The following RAP1GAP2 variants were observed in gnomAD, a reference collection of about 807,000 sequenced individuals.
RAP1GAP2 encodes the protein rap1 GTPase-activating protein 2.
RAP1GAP2 carries 27 observed loss-of-function variants against 95.0 expected under a neutral mutation model. The observed-to-expected ratio is 0.28, with a 90% confidence interval of 0.21 to 0.39. RAP1GAP2 has a LOEUF of 0.39. Ranked by LOEUF, RAP1GAP2 falls within the 10% of genes least tolerant of loss-of-function variation. The pLI, the probability that RAP1GAP2 is intolerant of heterozygous loss-of-function variation, is 1.00. For missense variants in RAP1GAP2, 771 were observed against 970.0 expected (o/e 0.79, Z 2.72); for synonymous variants, 373 against 380.9 (o/e 0.98, Z 0.24).
At chr17:2,786,715 G>A (rs1433649117) in intron 1 of RAP1GAP2, among the ~76,000 whole-genome samples, 1 of 151,578 alleles carries the variant, frequency 6.6e-6, no homozygotes, top group Non-Finnish European at 1.5e-5. Context: ...CGTGGTCTCG[G>A]GCTCACTGCA....
In RAP1GAP2 at chr17:2,960,963, C is replaced by A. The variant is rs1246627132; in HGVS notation, c.202-1707C>A. Among the ~76,000 whole-genome samples, 4 of 152,228 alleles carry A rather than the reference C, an allele frequency of 2.6e-5. No individual in the cohort carries two copies. The East Asian group carries it at 7.7e-4, about 29-fold the overall frequency. On this transcript the variant is annotated intron_variant, in intron 4 of 24. Coordinates refer to ENST00000254695, the MANE Select transcript of RAP1GAP2 (RefSeq NM_015085.5). ...AGGCGCAGTGGCTCACGCCTGTAATCCCAGCACTTTGGGAGGCTGAGGCGG... is the reference window on the plus strand; with the variant it reads ...AGGCGCAGTGGCTCACGCCTGTAATACCAGCACTTTGGGAGGCTGAGGCGG...
intron 13 of RAP1GAP2, among the ~76,000 whole-genome samples, chr17:2,998,020 C>T (rs1016254038): frequency 2.6e-5 from 4 of 152,214 alleles, no homozygotes; most frequent in Admixed American, 6.5e-5. Context: ...AAGCACGAAG[C>T]GTGTTCCATG....
Position 2,957,898 on chromosome 17 carries a change from G to A in RAP1GAP2, c.201+104G>A, listed in dbSNP as rs544940845. 7 of 1,234,456 alleles carry A rather than the reference G, an allele frequency of 5.7e-6. No individual in the cohort carries two copies. In the East Asian group the frequency reaches 1.9e-4, roughly 34 times the overall value. 76.5% of individuals were successfully genotyped at this position (1,234,456 alleles called of 1,614,324 possible). A position where few individuals can be genotyped will look rare whatever the true frequency, so the allele number is the denominator to read the frequency against. On this transcript the variant is annotated intron_variant, in intron 4 of 24. Transcript: ENST00000254695. ...GGGCAGAAGCCGGGTGCCCTGGACG[G>A]GGGTGCAGAGAAGAGACAATTGCAT...
rs2047165130 is a variant in RAP1GAP2, at chr17:3,027,568, G to T, written c.2107+498G>T. Among the ~76,000 whole-genome samples, 1 of 152,124 alleles carries T rather than the reference G, an allele frequency of 6.6e-6. No individual in the cohort carries two copies. The highest frequency in any genetic ancestry group is 2.4e-5 in the African/African-American group (1 of 41,434). On this transcript the variant is annotated intron_variant, in intron 22 of 24. Transcript: ENST00000254695. This position sits in a 1 kb window ranked among gnomAD's most constrained non-coding sequence, Gnocchi z 5.2. Reference sequence around the variant, plus strand: ...AACTGCACGTGTTCATGGCAGCTGGGTTCACAGAGCCAGGCGTCAGAGAGG... The same window carrying T: ...AACTGCACGTGTTCATGGCAGCTGGTTTCACAGAGCCAGGCGTCAGAGAGG...
Position 2,867,522 on chromosome 17 carries a change from A to G in RAP1GAP2, c.81-37762A>G, listed in dbSNP as rs1027917618. Among the ~76,000 whole-genome samples the G allele has an allele frequency of 6.6e-6, 1 of 152,116 alleles. No individual in the cohort carries two copies. The highest frequency in any genetic ancestry group is 1.5e-5 in the Non-Finnish European group (1 of 68,026). ...ACAGGAAGAGCAAATCTGTTTCCCAATCATTTCAGCAGATGTCCCAGGGAT... is the reference window on the plus strand; with the variant it reads ...ACAGGAAGAGCAAATCTGTTTCCCAGTCATTTCAGCAGATGTCCCAGGGAT... On this transcript the variant is annotated intron_variant, in intron 2 of 24. Coordinates refer to ENST00000254695, the MANE Select transcript of RAP1GAP2 (RefSeq NM_015085.5). This position sits in a 1 kb window ranked among gnomAD's most constrained non-coding sequence, Gnocchi z 4.5.
Position 2,905,383 on chromosome 17 carries a change from T to C in RAP1GAP2, c.165+15T>C. On this transcript the variant is annotated intron_variant, in intron 3 of 24. Coordinates refer to ENST00000254695, the MANE Select transcript of RAP1GAP2 (RefSeq NM_015085.5). Reference sequence around the variant, plus strand: ...CCACCATGAAGGTAAGAGGCTTCGATTCAGGAAGGCAGGGAGGGGAGAGTG... The same window carrying C: ...CCACCATGAAGGTAAGAGGCTTCGACTCAGGAAGGCAGGGAGGGGAGAGTG... The C allele has an allele frequency of 1.2e-6, 2 of 1,611,674 alleles. No individual in the cohort carries two copies. The highest frequency in any genetic ancestry group is 1.7e-6 in the Non-Finnish European group (2 of 1,178,182).
At chr17:2,799,427 C>G (rs1037908731) in intron 1 of RAP1GAP2, among the ~76,000 whole-genome samples, 1 of 152,204 alleles carries the variant, frequency 6.6e-6, no homozygotes, top group Non-Finnish European at 1.5e-5. Context: ...TCCCCTAGCT[C>G]CAGGCCTCAG....
chr17:3,015,329 G>A (rs895363477), intron 17 of RAP1GAP2, among the ~76,000 whole-genome samples: 2 of 152,114 alleles, frequency 1.3e-5, no homozygotes, highest in East Asian at 1.9e-4. Flanking sequence ...CTAGGGGGCT[G>A]TCCGGTTTAC....
intron 3 of RAP1GAP2, among the ~76,000 whole-genome samples, chr17:2,922,194 G>A (rs1316829959): frequency 1.3e-5 from 2 of 152,198 alleles, no homozygotes; most frequent in African/African-American, 4.8e-5. Context: ...CCTTCTTGCA[G>A]TGTCCTCACA....
rs555655608 is a variant in RAP1GAP2, at chr17:2,965,738, G to C, written c.596+95G>C. ...GGATGGGACTCAGAAATACCAGACTGACCAGTCTGGTCTGGGTGCACTGGC... is the reference window on the plus strand; with the variant it reads ...GGATGGGACTCAGAAATACCAGACTCACCAGTCTGGTCTGGGTGCACTGGC... On this transcript the variant is annotated intron_variant, in intron 8 of 24. Transcript: ENST00000254695. This position sits in a 1 kb window ranked among gnomAD's most constrained non-coding sequence, Gnocchi z 4.7. 1.1e-6 allele frequency: 1 copy of C among 932,202 alleles called. No individual in the cohort carries two copies. Among genetic ancestry groups the C allele is most frequent in the Non-Finnish European group, 1.7e-6 (1 of 597,328 alleles). 57.7% of individuals were successfully genotyped at this position (932,202 alleles called of 1,614,324 possible).
At chr17:2,760,419 C>G (rs2071222523) in intron 1 of RAP1GAP2, among the ~76,000 whole-genome samples, 1 of 151,172 alleles carries the variant, frequency 6.6e-6, no homozygotes, top group South Asian at 2.1e-4. Flanking sequence ...CAGCTCACTG[C>G]AGCCTCTGCC....
Position 3,005,492 on chromosome 17 carries a change from T to A in RAP1GAP2, c.1272+52T>A, listed in dbSNP as rs1160320613. On this transcript the variant is annotated intron_variant, in intron 15 of 24. Transcript: ENST00000254695. The surrounding 1 kb of genome is among the most constrained non-coding windows in gnomAD (Gnocchi z 5.2). ...TCGCATCCACGATGCCAGGTCTCAGTGCTTGAGTAGCAATGGTTGGGATGG... is the reference window on the plus strand; with the variant it reads ...TCGCATCCACGATGCCAGGTCTCAGAGCTTGAGTAGCAATGGTTGGGATGG... The A allele has an allele frequency of 4.5e-6, 7 of 1,554,106 alleles. No homozygotes were observed. The highest frequency in any genetic ancestry group is 6.2e-6 in the Non-Finnish European group (7 of 1,125,478).
chr17:2,880,522 A>G (rs895997089), intron 2 of RAP1GAP2, among the ~76,000 whole-genome samples: 12 of 150,942 alleles, frequency 8.0e-5, no homozygotes, highest in Middle Eastern at 6.8e-3. Context: ...ATTTTAAAGT[A>G]TACGGTTCCG....
Position 3,005,858 on chromosome 17 carries a change from C to G in RAP1GAP2, c.1273-97C>G. On this transcript the variant is annotated intron_variant, in intron 15 of 24. Transcript: ENST00000254695. This position sits in a 1 kb window ranked among gnomAD's most constrained non-coding sequence, Gnocchi z 5.2. ...TCGGAAGGGACTTTTCAGGGGTTCT[C>G]CCCATGGCCCCGGCTCTGCCTGCCT... 3.4e-6 allele frequency: 4 copies of G among 1,176,338 alleles called. No homozygotes were observed. The Admixed American group carries it at 6.8e-5, about 20-fold the overall frequency. The allele number at this position is 1,176,338 out of a possible 1,614,324, so 72.9% of individuals were successfully genotyped here. A position where few individuals can be genotyped will look rare whatever the true frequency, so the allele number is the denominator to read the frequency against.
intron 17 of RAP1GAP2, among the ~76,000 whole-genome samples, chr17:3,016,379 G>C (rs954499655): frequency 1.3e-5 from 2 of 152,256 alleles, no homozygotes; most frequent in African/African-American, 4.8e-5. Flanking sequence ...GACACGTTTG[G>C]CTAGAACCTG....
chr17:2,861,659 G>T (rs1236214579), intron 2 of RAP1GAP2, among the ~76,000 whole-genome samples: 2 of 150,648 alleles, frequency 1.3e-5, no homozygotes, highest in Non-Finnish European at 3.0e-5. Flanking sequence ...TTGGGGGGGG[G>T]GACGGAGTCT....
In RAP1GAP2 at chr17:2,827,419, C is replaced by T. The variant is rs893488420; in HGVS notation, c.80+26869C>T. On this transcript the variant is annotated intron_variant, in intron 2 of 24. Transcript: ENST00000254695. This position sits in a 1 kb window ranked among gnomAD's most constrained non-coding sequence, Gnocchi z 4.1. ...TGGTTTCAGACAGTGCCCAGTCCTG[C>T]GAAGGAAATAGAACAGTGAGGCGAT... Among the ~76,000 whole-genome samples, 13 of 151,298 alleles carry T rather than the reference C, an allele frequency of 8.6e-5. No homozygotes were observed. The highest frequency in any genetic ancestry group is 4.0e-4 in the Admixed American group (6 of 15,156).
At chr17:3,000,431 G>A (rs538729571) in intron 14 of RAP1GAP2, among the ~76,000 whole-genome samples, 49 of 150,660 alleles carry the variant, frequency 3.3e-4, no homozygotes, top group Non-Finnish European at 3.0e-4. Flanking sequence ...TCCTGATGCC[G>A]GAGAAGGGGC....
Position 2,932,199 on chromosome 17 carries a change from G to A in RAP1GAP2, c.166-25560G>A, listed in dbSNP as rs963309151. On this transcript the variant is annotated intron_variant, in intron 3 of 24. Transcript: ENST00000254695. ...TTCCCAGCAGTGCTGATGTGGTCAT[G>A]GGGGATGGGACGCTGTGTTTTCCTC... is the stretch of plus-strand genomic sequence containing the variant. 2.6e-5 allele frequency among the ~76,000 whole-genome samples: 4 copies of A among 152,158 alleles called. No homozygotes were observed. In the East Asian group the frequency reaches 7.7e-4, roughly 29 times the overall value.
Sources: gnomAD v4.1 joint callset for allele counts (sites outside exome capture counted in the v4.1 genomes callset) on GRCh38, gnomAD v4.1.1 for gene constraint, Gnocchi (gnomAD v3.1) non-coding constraint, MANE v1.5 for transcripts, NCBI Gene and HGNC (gene_info 2026-07-23, HGNC 2026-07-21) for gene names.